SNX29: variants seen among roughly 807,000 people sequenced by gnomAD.
SNX29 encodes sorting nexin 29, also known as sorting nexin-29.
In SNX29, 78 loss-of-function variants were observed where a neutral mutation model predicts 102.1. The ratio of observed to expected loss-of-function variants is 0.76; its 90% CI spans 0.64 to 0.92. The LOEUF (loss-of-function observed/expected upper bound fraction) is 0.92, where lower values mean the gene tolerates loss of function less well. SNX29 is among the 40% of genes least tolerant of loss of function. The probability of loss-of-function intolerance (pLI) is 0.00; values close to 1 mark genes in which losing one functional copy is unlikely to be tolerated. For synonymous variants in SNX29, 580 were observed against 414.5 expected (o/e 1.40, Z -4.85); for missense variants, 1,280 against 1,061.7 (o/e 1.21, Z -2.86).
chr16:12,287,089 T>C (rs962166689), intron 15 of SNX29, among the ~76,000 whole-genome samples: 23 of 152,228 alleles, frequency 1.5e-4, no homozygotes, highest in African/African-American at 5.3e-4. Flanking sequence ...ATCTCATTTA[T>C]GCAAGATGGC....
intron 14 of SNX29, among the ~76,000 whole-genome samples, chr16:12,255,530 C>T (rs1313998301): frequency 1.3e-5 from 2 of 152,102 alleles, no homozygotes; most frequent in Non-Finnish European, 2.9e-5. Context: ...GACCAGCATC[C>T]CCCCATCTCT....
At chr16:12,210,039 G>A (rs1471308843) in intron 14 of SNX29, among the ~76,000 whole-genome samples, 1 of 152,178 alleles carries the variant, frequency 6.6e-6, no homozygotes, top group East Asian at 1.9e-4. Context: ...TGTCTAATCA[G>A]TATCCATTCC....
chr16:12,311,963 A>G (rs1294514251), intron 15 of SNX29, among the ~76,000 whole-genome samples: 2 of 152,174 alleles, frequency 1.3e-5, no homozygotes, highest in African/African-American at 4.8e-5. Flanking sequence ...ACCGGGGCCC[A>G]GGTTTCTTCT....
At chr16:12,104,751 A>G (rs2053162335) in intron 11 of SNX29, among the ~76,000 whole-genome samples, 1 of 152,134 alleles carries the variant, frequency 6.6e-6, no homozygotes, top group Non-Finnish European at 1.5e-5. Flanking sequence ...AATACTGGAA[A>G]CCTCTTGTTA....
chr16:12,190,449 C>A (rs542258558), intron 13 of SNX29, among the ~76,000 whole-genome samples: 7 of 152,128 alleles, frequency 4.6e-5, no homozygotes, highest in Non-Finnish European at 1.0e-4. Context: ...GTCTAGAATA[C>A]GCTGGGGGCA....
At chr16:12,113,596 C>T (rs752598217) in intron 11 of SNX29, among the ~76,000 whole-genome samples, 1 of 152,214 alleles carries the variant, frequency 6.6e-6, no homozygotes, top group Non-Finnish European at 1.5e-5. Flanking sequence ...GGGAAGGAAG[C>T]TGTGCAGCTC....
intron 14 of SNX29, among the ~76,000 whole-genome samples, chr16:12,228,270 C>T (rs530473947): frequency 3.3e-5 from 5 of 152,380 alleles, no homozygotes; most frequent in African/African-American, 1.2e-4. Context: ...ATTCTCCCTT[C>T]CACACCCATG....
chr16:12,157,218 C>T (rs1157916416), intron 13 of SNX29, among the ~76,000 whole-genome samples: 1 of 152,166 alleles, frequency 6.6e-6, no homozygotes. Context: ...TGATGGTTGT[C>T]CCCTCAAGGT....
At chr16:12,273,777 C>G (rs1482416630) in intron 14 of SNX29, among the ~76,000 whole-genome samples, 8 of 152,216 alleles carry the variant, frequency 5.3e-5, no homozygotes, top group Non-Finnish European at 1.0e-4. Flanking sequence ...ATCCCTCCTT[C>G]CCCCAGACCC....
intron 15 of SNX29, among the ~76,000 whole-genome samples, chr16:12,316,665 T>A (rs2080755996): frequency 6.6e-6 from 1 of 152,174 alleles, no homozygotes; most frequent in Admixed American, 6.5e-5. Flanking sequence ...CCCTGCCCCG[T>A]TCCACATCTT....
intron 15 of SNX29, among the ~76,000 whole-genome samples, chr16:12,300,866 A>G (rs2080151559): frequency 1.3e-5 from 2 of 152,064 alleles, no homozygotes; most frequent in African/African-American, 4.8e-5. Context: ...TGCTGGTGAC[A>G]TCTCCCTATC....
chr16:12,430,198 T>TC (rs991638405), intron 18 of SNX29, among the ~76,000 whole-genome samples: 29 of 151,066 alleles, frequency 1.9e-4, no homozygotes, highest in South Asian at 8.5e-4. Context: ...AACCATCAGT[T>TC]CCCCCCCCAG....
intron 15 of SNX29, among the ~76,000 whole-genome samples, chr16:12,344,643 T>C (rs2081732222): frequency 6.6e-6 from 1 of 152,212 alleles, no homozygotes; most frequent in African/African-American, 2.4e-5. Context: ...AGGATGGGGC[T>C]TAGGGTTGGG....
chr16:12,501,974 A>G (rs1301490488), intron 19 of SNX29, among the ~76,000 whole-genome samples: 1 of 152,110 alleles, frequency 6.6e-6, no homozygotes, highest in Non-Finnish European at 1.5e-5. Flanking sequence ...CCAGGCCAAC[A>G]CTAGTTATAG....
rs565346970 is a variant in SNX29, at chr16:12,305,314, C to T, written c.1782+27278C>T. Among the ~76,000 whole-genome samples the T allele has an allele frequency of 1.5e-4, 23 of 152,362 alleles. 1 individual carries two copies. In the South Asian group the frequency reaches 2.5e-3, roughly 16 times the overall value. ...ACTCAGGTGTTGCGAAGATCCCCCC[C>T]GGCCACGGAGTGGTATCAGGACTGG... On this transcript the variant is annotated intron_variant, in intron 15 of 20. Transcript: ENST00000566228.
chr16:12,134,970 C>T (rs753049562), intron 13 of SNX29, among the ~76,000 whole-genome samples: 25 of 152,288 alleles, frequency 1.6e-4, no homozygotes, highest in Admixed American at 4.6e-4. Context: ...TGGTGTAGTT[C>T]AAAGGCCCAA....
chr16:12,549,535 A>T (rs1347639388), intron 20 of SNX29, among the ~76,000 whole-genome samples: 1 of 152,212 alleles, frequency 6.6e-6, no homozygotes, highest in African/African-American at 2.4e-5. Context: ...TATCTCAAAT[A>T]GCCAGTAAGG....
chr16:12,175,913 G>C (rs1166858210), intron 13 of SNX29, among the ~76,000 whole-genome samples: 2 of 152,146 alleles, frequency 1.3e-5, no homozygotes, highest in African/African-American at 4.8e-5. Context: ...GGCTGAGGCA[G>C]GGAGATTGCT....
At chr16:12,498,197 C>T (rs999612518) in intron 19 of SNX29, among the ~76,000 whole-genome samples, 11 of 152,240 alleles carry the variant, frequency 7.2e-5, no homozygotes, top group South Asian at 6.2e-4. Flanking sequence ...TATGGAACAA[C>T]GCAACTTCCT....
Sources: allele counts gnomAD v4.1 joint callset (sites outside exome capture counted in the v4.1 genomes callset), GRCh38; gene constraint gnomAD v4.1.1; transcripts MANE v1.5; gene names NCBI Gene and HGNC (gene_info 2026-07-23, HGNC 2026-07-21).